Variants in OXR1 observed in about 807,000 individuals in gnomAD.
OXR1 encodes the protein oxidation resistance protein 1.
In OXR1, 41 loss-of-function variants were observed where a neutral mutation model predicts 104.6. The ratio of observed to expected loss-of-function variants is 0.39; its 90% CI spans 0.31 to 0.51. OXR1 has a LOEUF of 0.51. OXR1 is among the 20% of genes least tolerant of loss of function. The pLI is 0.77. For missense variants in OXR1, 955 were observed against 1,031.9 expected (o/e 0.93, Z 1.02); for synonymous variants, 348 against 348.4 (o/e 1.00, Z 0.01).
intron 2 of OXR1, among the ~76,000 whole-genome samples, chr8:106,380,852 C>T (rs1817117827): frequency 6.6e-6 from 1 of 152,064 alleles, no homozygotes; most frequent in Non-Finnish European, 1.5e-5. Flanking sequence ...CTTTTAGATG[C>T]AGGCCCTTAT....
chr8:106,603,965 C>G (rs958913808), intron 3 of OXR1, among the ~76,000 whole-genome samples: 1 of 151,950 alleles, frequency 6.6e-6, no homozygotes, highest in African/African-American at 2.4e-5. Context: ...AGGCAGGAGA[C>G]TCGCTTAAAC....
At chr8:106,646,492 A>C (rs1240083538) in intron 3 of OXR1, among the ~76,000 whole-genome samples, 1 of 152,220 alleles carries the variant, frequency 6.6e-6, no homozygotes, top group Non-Finnish European at 1.5e-5. Flanking sequence ...TGTGAAATTA[A>C]TAATTTCAAT....
intron 1 of OXR1, among the ~76,000 whole-genome samples, chr8:106,330,789 A>G (rs1042488993): frequency 1.3e-5 from 2 of 152,186 alleles, no homozygotes; most frequent in Non-Finnish European, 1.5e-5. Context: ...TTTCATTTTC[A>G]TCAGCATTGA....
chr8:106,307,674 A>G (rs1235521131), intron 1 of OXR1, among the ~76,000 whole-genome samples: 2 of 152,110 alleles, frequency 1.3e-5, no homozygotes, highest in Admixed American at 6.6e-5. Flanking sequence ...CAAACCAGCT[A>G]TAACAGGTAC....
At chr8:106,704,602 T>C (rs1830960616) in intron 8 of OXR1, among the ~76,000 whole-genome samples, 1 of 151,988 alleles carries the variant, frequency 6.6e-6, no homozygotes, top group African/African-American at 2.4e-5. Context: ...TTCATCATGT[T>C]GGCCAGGTTG....
chr8:106,740,613 A>C, intron 14 of OXR1, 118 bp downstream of exon 14: 1 of 818,674 alleles, frequency 1.2e-6, no homozygotes, highest in South Asian at 1.7e-5. Flanking sequence ...ACTGATAATT[A>C]CTGGGTACTT....
chr8:106,660,349 G>T (rs530948264), intron 3 of OXR1, among the ~76,000 whole-genome samples: 4 of 152,304 alleles, frequency 2.6e-5, no homozygotes, highest in Admixed American at 2.0e-4. Context: ...ATGAGTGTCT[G>T]TCAGTCTGTT....
intron 3 of OXR1, among the ~76,000 whole-genome samples, chr8:106,625,768 A>T (rs896359079): frequency 6.6e-6 from 1 of 152,148 alleles, no homozygotes; most frequent in Non-Finnish European, 1.5e-5. Flanking sequence ...ATGTTTCCCA[A>T]TCTTGTTGAA....
chr8:106,443,081 G>A (rs934647884), intron 2 of OXR1, among the ~76,000 whole-genome samples: 2 of 152,032 alleles, frequency 1.3e-5, no homozygotes, highest in African/African-American at 4.8e-5. Context: ...CTTTATCTGT[G>A]TCCCAGAGAT....
chr8:106,569,249 C>T lies in OXR1; in HGVS notation c.220+50110C>T, dbSNP rs563277666. ...ACCCATGCAAACAAACCTATGCCCC[C>T]CTTCTTCTTTCTTCTCAATGATTTT... is the stretch of plus-strand genomic sequence containing the variant. On this transcript the variant is annotated intron_variant, in intron 3 of 16. Transcript: ENST00000517566. Among the ~76,000 whole-genome samples the T allele has an allele frequency of 3.9e-5, 6 of 152,056 alleles. No individual in the cohort carries two copies. The South Asian group carries it at 1.2e-3, about 32-fold the overall frequency.
chr8:106,566,376 T>C (rs921960537), intron 3 of OXR1, among the ~76,000 whole-genome samples: 1 of 152,064 alleles, frequency 6.6e-6, no homozygotes, highest in African/African-American at 2.4e-5. Flanking sequence ...AAAAAGCTCA[T>C]CACCACTGGT....
intron 3 of OXR1, among the ~76,000 whole-genome samples, chr8:106,616,089 G>A (rs1433881943): frequency 1.4e-5 from 2 of 144,062 alleles, no homozygotes; most frequent in African/African-American, 2.6e-5. Flanking sequence ...AGGCTGGAGG[G>A]CAGTGGCAAT....
At chr8:106,413,348 G>A (rs962040156) in intron 2 of OXR1, among the ~76,000 whole-genome samples, 3 of 152,030 alleles carry the variant, frequency 2.0e-5, no homozygotes, top group African/African-American at 7.2e-5. Context: ...CAGAATTAAC[G>A]ATCCCTTGCC....
chr8:106,750,983 G>T lies in OXR1; in HGVS notation c.*42G>T. The T allele has an allele frequency of 6.6e-7, 1 of 1,506,902 alleles. No individual in the cohort carries two copies. Among genetic ancestry groups the T allele is most frequent in the Non-Finnish European group, 9.0e-7 (1 of 1,114,874 alleles). The allele number at this position is 1,506,902 out of a possible 1,614,324, so 93.3% of individuals were successfully genotyped here. ...CTTAGCAGGAGAATGGCCCAAACCTGACATGGACAAGCATTGTTTGGAAAG... is the reference window on the plus strand; with the variant it reads ...CTTAGCAGGAGAATGGCCCAAACCTTACATGGACAAGCATTGTTTGGAAAG... On this transcript the variant is annotated 3_prime_UTR_variant, in exon 17 of 17. Coordinates refer to ENST00000517566, the MANE Select transcript of OXR1 (RefSeq NM_001198533.2).
intron 3 of OXR1, among the ~76,000 whole-genome samples, chr8:106,671,044 C>CAAAAAAA (rs60404483): frequency 0.014 from 687 of 48,822 alleles, 34 homozygotes; most frequent in Non-Finnish European, 0.017. Flanking sequence ...GACTCTGTCT[C>CAAAAAAA]AAAAAAAAAA....
intron 3 of OXR1, among the ~76,000 whole-genome samples, chr8:106,652,645 TA>T (rs1206572543): frequency 1.2e-4 from 11 of 88,524 alleles, no homozygotes; most frequent in Admixed American, 5.8e-4. Flanking sequence ...CCTATATTAT[TA>T]AAAAAAAAGA....
At chr8:106,707,688 G>C (rs1170266619) in intron 9 of OXR1, 2 of 157,478 alleles carry the variant, frequency 1.3e-5, no homozygotes, top group Non-Finnish European at 2.8e-5. Context: ...TATTTTATCT[G>C]TCAGTTTTCT....
intron 3 of OXR1, among the ~76,000 whole-genome samples, chr8:106,598,471 T>C (rs1425955723): frequency 2.0e-5 from 3 of 152,186 alleles, no homozygotes; most frequent in East Asian, 1.9e-4. Context: ...TACCAATCAA[T>C]GTCTGGCAAT....
intron 11 of OXR1, among the ~76,000 whole-genome samples, chr8:106,730,310 T>C (rs1833762219): frequency 6.6e-6 from 1 of 152,130 alleles, no homozygotes; most frequent in Non-Finnish European, 1.5e-5. Context: ...TTTTGACAAG[T>C]GTATAATGAC....
Sources: gnomAD v4.1 joint callset for allele counts (sites outside exome capture counted in the v4.1 genomes callset) on GRCh38, gnomAD v4.1.1 for gene constraint, MANE v1.5 for transcripts, NCBI Gene and HGNC (gene_info 2026-07-23, HGNC 2026-07-21) for gene names.